The following NKD1 variants were observed in gnomAD, a reference collection of about 807,000 sequenced individuals.
The protein encoded by NKD1 is NKD inhibitor of Wnt signaling pathway 1, also known as protein naked cuticle homolog 1.
Under a neutral mutation model 56.0 loss-of-function variants are expected in NKD1, and 21 were observed. The observed-to-expected ratio is 0.38, with a 90% CI of 0.27 to 0.54. NKD1 has a LOEUF of 0.54. NKD1 is among the 20% of genes least tolerant of loss of function. NKD1 has a pLI of 0.82. For synonymous variants in NKD1, 263 were observed against 265.7 expected (o/e 0.99, Z 0.10); for missense variants, 578 against 642.7 (o/e 0.90, Z 1.09).
intron 3 of NKD1, among the ~76,000 whole-genome samples, chr16:50,593,343 C>T (rs1023586388): frequency 3.9e-5 from 6 of 152,146 alleles, no homozygotes; most frequent in Non-Finnish European, 7.3e-5. Context: ...GCTTCAGGCA[C>T]CATTTGATCC....
At position 50,557,848 on chromosome 16, in the gene NKD1, T is replaced by G. The variant is rs536706646; in HGVS notation, c.192+8293T>G. 4 of 152,358 alleles carry G rather than the reference T, an allele frequency of 2.6e-5. No individual in the cohort carries two copies. The East Asian group carries it at 7.7e-4, about 29-fold the overall frequency. The allele number at this position is 152,358 out of a possible 1,614,324, so 9.4% of individuals were successfully genotyped here. On this transcript the variant is annotated intron_variant, in intron 3 of 9. Coordinates refer to ENST00000268459, the MANE Select transcript of NKD1 (RefSeq NM_033119.5). ...GCTGTGGAGGTTGGGGAGGGTTTTT[T>G]TGAAGGAAGTGGGCATGTGAGTAGG...
intron 3 of NKD1, among the ~76,000 whole-genome samples, chr16:50,594,832 C>T (rs905445746): frequency 3.3e-5 from 5 of 152,184 alleles, no homozygotes; most frequent in South Asian, 2.1e-4. Context: ...GGGATCTGCA[C>T]GTGCACACGG....
intron 3 of NKD1, chr16:50,558,469 G>A (rs1960550398): frequency 6.6e-6 from 1 of 152,262 alleles, no homozygotes; most frequent in Admixed American, 6.5e-5. Context: ...GCCCAGCCAG[G>A]GAGAGCTGGA....
At chr16:50,601,764 C>G (rs1261202791) in intron 3 of NKD1, among the ~76,000 whole-genome samples, 2 of 152,146 alleles carry the variant, frequency 1.3e-5, no homozygotes, top group South Asian at 4.1e-4. Flanking sequence ...CTGTGGTGGG[C>G]TCAGGGGTCT....
rs771399016 is a variant in NKD1, at chr16:50,556,728, GTTTTTTTTTTTT to G, written c.192+7184_192+7195del. 10 of 130,382 alleles carry G rather than the reference GTTTTTTTTTTTT, an allele frequency of 7.7e-5. 1 individual carries two copies. Among genetic ancestry groups the G allele is most frequent in the Admixed American group, 5.4e-4 (7 of 12,956 alleles). The allele number at this position is 130,382 out of a possible 1,614,324, so 8.1% of individuals were successfully genotyped here. On this transcript the variant is annotated intron_variant, in intron 3 of 9. Transcript: ENST00000268459. The stretch of plus-strand genomic sequence containing the variant: ...CATTCATTCATGCATCTGCAGTAGG[GTTTTTTTTTTTT>G]TTTTTTTTTTAAATTTAGAGACAGG...
rs138919623 is a variant in NKD1, at chr16:50,592,182, T to C, written c.193-16112T>C. Among the ~76,000 whole-genome samples the C allele has an allele frequency of 2.5e-4, 38 of 152,318 alleles. No individual in the cohort carries two copies. The East Asian group carries it at 7.3e-3, about 29-fold the overall frequency. ...GCAGCCGGCTCAGGTCCAGTCCACA[T>C]TGGCCTTGGATCAATGAAAGCTGTC... On this transcript the variant is annotated intron_variant, in intron 3 of 9. Transcript: ENST00000268459.
Position 50,621,636 on chromosome 16 carries a change from C to A in NKD1, c.294C>A (p.Gly98=), listed in dbSNP as rs754945759. 4 of 1,613,976 alleles carry A rather than the reference C, an allele frequency of 2.5e-6. No individual in the cohort carries two copies. In the South Asian group the frequency reaches 3.3e-5, roughly 13 times the overall value. ...CTCCTGAGAAGACTGACGGGCTGGG[C>A]AGCGGAGATGAGAAGAAGATGGAGA... ...ALPPEKTDGL[G]SGDEKKMERV... Residue 98 remains glycine (G), a synonymous_variant, in exon 5 of 10, where the codon GGC becomes GGA. Transcript: ENST00000268459.
At position 50,625,544 on chromosome 16, in the gene NKD1, G is replaced by T; in HGVS notation, c.426G>T (p.Leu142=). ...GCCGGCAGGAGTGGACCTTCACCCT[G>T]TATGACTTTGACAACAACGGCAAGG... ...EDSRQEWTFT[L]YDFDNNGKVT... The change falls in exon 6 of 10, where the codon CTG becomes CTT. Residue 142 remains leucine (L), a synonymous_variant. Transcript: ENST00000268459. The T allele has an allele frequency of 6.2e-7, 1 of 1,613,926 alleles. No individual in the cohort carries two copies. The highest frequency in any genetic ancestry group is 1.3e-5 in the African/African-American group (1 of 75,074).
chr16:50,587,535 A>C (rs948122855), intron 3 of NKD1, among the ~76,000 whole-genome samples: 1 of 152,218 alleles, frequency 6.6e-6, no homozygotes, highest in Non-Finnish European at 1.5e-5. Context: ...TCTGACATGG[A>C]AAAATTGCTC....
At chr16:50,550,796 G>A (rs1233900424) in intron 3 of NKD1, among the ~76,000 whole-genome samples, 1 of 152,134 alleles carries the variant, frequency 6.6e-6, no homozygotes, top group Non-Finnish European at 1.5e-5. Flanking sequence ...AAAGGCCAAC[G>A]AAAACGGTCT....
intron 3 of NKD1, among the ~76,000 whole-genome samples, chr16:50,585,335 G>C (rs1961203812): frequency 6.6e-6 from 1 of 152,214 alleles, no homozygotes; most frequent in Non-Finnish European, 1.5e-5. Context: ...TCAGGGGCTG[G>C]TAGGGCCTTG....
Position 50,548,502 on chromosome 16 carries a change from C to A in NKD1, c.-52C>A, listed in dbSNP as rs1458133949. On this transcript the variant is annotated 5_prime_UTR_variant, in exon 1 of 10. Coordinates refer to ENST00000268459, the MANE Select transcript of NKD1 (RefSeq NM_033119.5). ...AGGAGAGCCAAGGGAGGCGCCAGGC[C>A]CGCGGGCCGGGCGCATGGCTTAGGG... 2.1e-5 allele frequency: 30 copies of A among 1,410,620 alleles called. No individual in the cohort carries two copies. Among genetic ancestry groups the A allele is most frequent in the Admixed American group, 2.8e-5 (1 of 35,662 alleles). The allele number at this position is 1,410,620 out of a possible 1,614,324, so 87.4% of individuals were successfully genotyped here. A position where few individuals can be genotyped will look rare whatever the true frequency, so the allele number is the denominator to read the frequency against.
At chr16:50,579,721 G>A (rs559001560) in intron 3 of NKD1, among the ~76,000 whole-genome samples, 6 of 147,628 alleles carry the variant, frequency 4.1e-5, no homozygotes, top group East Asian at 4.1e-4. Flanking sequence ...CGCTACACAC[G>A]CACTCTAACC....
At chr16:50,551,962 T>A (rs1196692565) in intron 3 of NKD1, 1 of 152,132 alleles carries the variant, frequency 6.6e-6, no homozygotes, top group African/African-American at 2.4e-5. Flanking sequence ...TTTCCCTGAT[T>A]CCCTCTGGTG....
intron 3 of NKD1, among the ~76,000 whole-genome samples, chr16:50,593,592 TGG>T (rs1961414982): frequency 6.6e-6 from 1 of 152,120 alleles, no homozygotes; most frequent in South Asian, 2.1e-4. Flanking sequence ...ATGGCTGGCG[TGG>T]TGCGAAGCTC....
At chr16:50,553,451 T>C (rs1817948082) in intron 3 of NKD1, 1 of 152,098 alleles carries the variant, frequency 6.6e-6, no homozygotes, top group African/African-American at 2.4e-5. Flanking sequence ...TGACTGGGGG[T>C]ACCTAGTGCA....
chr16:50,601,798 G>C (rs968588919), intron 3 of NKD1, among the ~76,000 whole-genome samples: 1 of 152,174 alleles, frequency 6.6e-6, no homozygotes, highest in African/African-American at 2.4e-5. Context: ...TGAGGACTCT[G>C]CCCTATATTT....
chr16:50,588,750 C>A (rs1270039368), intron 3 of NKD1, among the ~76,000 whole-genome samples: 1 of 151,864 alleles, frequency 6.6e-6, no homozygotes, highest in Non-Finnish European at 1.5e-5. Flanking sequence ...ATTACCAGCG[C>A]CCGCCATCAT....
intron 2 of NKD1, among the ~76,000 whole-genome samples, chr16:50,549,204 C>A (rs1960316199): frequency 2.6e-5 from 4 of 151,726 alleles, no homozygotes; most frequent in Admixed American, 2.6e-4. Context: ...TACTGCTCAC[C>A]CCTCTTGCCC....
Sources: gnomAD v4.1 joint callset for allele counts (sites outside exome capture counted in the v4.1 genomes callset) on GRCh38, gnomAD v4.1.1 for gene constraint, MANE v1.5 for transcripts, NCBI Gene and HGNC (gene_info 2026-07-23, HGNC 2026-07-21) for gene names.